The following VPS35L variants were observed in gnomAD, a reference collection of about 807,000 sequenced individuals.
VPS35L encodes the protein VPS35 endosomal protein-sorting factor-like.
VPS35L carries 83 observed loss-of-function variants against 133.0 expected under a neutral mutation model. The ratio of observed to expected loss-of-function variants is 0.62; its 90% CI spans 0.52 to 0.75. VPS35L has a LOEUF of 0.75. Ranked by LOEUF, VPS35L falls within the 30% of genes least tolerant of loss-of-function variation. The pLI, the probability that VPS35L is intolerant of heterozygous loss-of-function variation, is 0.00. For missense variants in VPS35L, 1,083 were observed against 1,206.8 expected (o/e 0.90, Z 1.52); for synonymous variants, 423 against 449.9 (o/e 0.94, Z 0.76).
intron 30 of VPS35L, 123 bp from the exon 31 acceptor site, chr16:19,700,255 C>T (rs917428304): frequency 5.1e-6 from 4 of 778,502 alleles, no homozygotes; most frequent in South Asian, 1.9e-5. Flanking sequence ...CTCCTCTCAT[C>T]CCTCAAAAAA....
At chr16:19,695,165 T>C (rs1044108978) in intron 29 of VPS35L, among the ~76,000 whole-genome samples, 1 of 152,208 alleles carries the variant, frequency 6.6e-6, no homozygotes, top group Non-Finnish European at 1.5e-5. Flanking sequence ...AGGGACCTCT[T>C]AGAACAATGA....
chr16:19,578,991 C>G (rs2151515435), intron 5 of VPS35L, 61 bp from the exon 6 acceptor site: 1 of 1,341,632 alleles, frequency 7.5e-7, no homozygotes, highest in African/African-American at 1.4e-5. Context: ...AAAGATGCCT[C>G]CACTGGGGGT....
Position 19,578,973 on chromosome 16 carries a change from G to A in VPS35L, c.434-79G>A, listed in dbSNP as rs8047669. ...CTTGTGTCTTTATTCACGATGAAGT[G>A]TAGAGTGAAAGATGCCTCCACTGGG... On this transcript the variant is annotated intron_variant, in intron 5 of 30. Transcript: ENST00000417362. The A allele has an allele frequency of 4.8e-3, 5,377 of 1,124,874 alleles. 178 individuals carry two copies. The African/African-American group carries it at 0.07, about 15-fold the overall frequency. The allele number at this position is 1,124,874 out of a possible 1,614,324, so 69.7% of individuals were successfully genotyped here.
At chr16:19,646,118 T>C (rs903606821) in intron 23 of VPS35L, among the ~76,000 whole-genome samples, 3 of 152,134 alleles carry the variant, frequency 2.0e-5, no homozygotes, top group African/African-American at 7.2e-5. Context: ...CGGATCAGCT[T>C]GGTAACCAGG....
chr16:19,593,354 G>A (rs749857702), intron 8 of VPS35L, among the ~76,000 whole-genome samples: 14 of 152,216 alleles, frequency 9.2e-5, no homozygotes, highest in Middle Eastern at 3.4e-3. Flanking sequence ...GGACTAATGG[G>A]CTCCCAACCC....
intron 5 of VPS35L, 68 bp downstream of exon 5, chr16:19,575,190 G>A: frequency 6.8e-7 from 1 of 1,477,440 alleles, no homozygotes; most frequent in Non-Finnish European, 9.4e-7. Context: ...TTTTACAAAG[G>A]AAAAAAGTTT....
intron 12 of VPS35L, among the ~76,000 whole-genome samples, chr16:19,613,701 C>T (rs1457036972): frequency 2.6e-5 from 4 of 152,174 alleles, no homozygotes; most frequent in African/African-American, 4.8e-5. Context: ...AGACTAGTCA[C>T]GTGGCCATGG....
rs751445339 is a variant in VPS35L at position 19,627,690 on chromosome 16, G to T, written c.1272-4G>T. 3 of 1,606,842 alleles carry T rather than the reference G, an allele frequency of 1.9e-6. No homozygotes were observed. The highest frequency in any genetic ancestry group is 2.6e-6 in the Non-Finnish European group (3 of 1,173,554). On this transcript the variant is annotated splice_polypyrimidine_tract_variant and splice_region_variant and intron_variant, in intron 15 of 30. Transcript: ENST00000417362. ...AGGCTGACTTGGGGATCTGTGTCTT[G>T]CAGTGCCTTGCTGTTGAATTCTGTG...
chr16:19,617,009 G>A (rs1972918007), intron 14 of VPS35L: 1 of 774,762 alleles, frequency 1.3e-6, no homozygotes, highest in Non-Finnish European at 2.1e-6. Context: ...GACAGCTGTG[G>A]AAGGGGAATG....
chr16:19,599,793 C>T (rs1489972032), intron 8 of VPS35L, among the ~76,000 whole-genome samples: 3 of 152,154 alleles, frequency 2.0e-5, no homozygotes, highest in Non-Finnish European at 4.4e-5. Context: ...ATAATCCCAG[C>T]ACTCTGGGAG....
At chr16:19,662,996 A>T (rs528748673) in intron 26 of VPS35L, among the ~76,000 whole-genome samples, 13 of 151,758 alleles carry the variant, frequency 8.6e-5, no homozygotes, top group East Asian at 7.7e-4. Flanking sequence ...CTCAAAAAAA[A>T]AATAATAATA....
chr16:19,612,812 T>C (rs1364717798), intron 12 of VPS35L, among the ~76,000 whole-genome samples: 3 of 152,194 alleles, frequency 2.0e-5, no homozygotes, highest in Non-Finnish European at 4.4e-5. Flanking sequence ...TCATGTTTGT[T>C]ACATATAAAG....
chr16:19,658,466 G>A (rs1490555071), intron 26 of VPS35L, among the ~76,000 whole-genome samples: 1 of 152,130 alleles, frequency 6.6e-6, no homozygotes, highest in Non-Finnish European at 1.5e-5. Context: ...GAGGGCAGAG[G>A]TTGCAGTGAG....
At chr16:19,688,207 G>C (rs1206879700) in intron 28 of VPS35L, among the ~76,000 whole-genome samples, 1 of 151,988 alleles carries the variant, frequency 6.6e-6, no homozygotes, top group Non-Finnish European at 1.5e-5. Context: ...GATTACAGGC[G>C]TGAGCCACTG....
intron 28 of VPS35L, among the ~76,000 whole-genome samples, chr16:19,690,581 T>C (rs957295022): frequency 1.3e-5 from 2 of 152,178 alleles, no homozygotes; most frequent in Non-Finnish European, 2.9e-5. Flanking sequence ...GAGCGTGAGC[T>C]CTGGAATCAG....
rs764662565 is a variant in VPS35L, at chr16:19,601,713, C to G, written c.774C>G (p.Ser258Arg). ...TTTCCATGTGTGTGGATAGCCGCAG[C>G]GTCTTACCAGGTAATGTCGCAGCTG... Reference protein sequence around the residue: ...RIFSMCVDSRSVLPDHFSPEN... With the variant: ...RIFSMCVDSRRVLPDHFSPEN... The change falls in exon 9 of 31, where the codon AGC becomes AGG. Residue 258 changes from serine to arginine, a missense_variant. Coordinates refer to ENST00000417362, the MANE Select transcript of VPS35L (RefSeq NM_020314.7). 1 of 1,614,132 alleles carries G rather than the reference C, an allele frequency of 6.2e-7. No individual in the cohort carries two copies. The highest frequency in any genetic ancestry group is 8.5e-7 in the Non-Finnish European group (1 of 1,180,008).
intron 14 of VPS35L, chr16:19,618,050 G>A (rs906338763): frequency 8.1e-6 from 1 of 124,026 alleles, no homozygotes; most frequent in African/African-American, 3.1e-5. Flanking sequence ...TTGCACCACT[G>A]TACTCCAGCC....
intron 27 of VPS35L, among the ~76,000 whole-genome samples, chr16:19,677,662 C>T (rs996788389): frequency 3.9e-5 from 6 of 152,258 alleles, no homozygotes; most frequent in Non-Finnish European, 7.4e-5. Context: ...AGGGGATGCC[C>T]GAGCTGCTGG....
At chr16:19,622,025 G>A (rs1005604624) in intron 14 of VPS35L, among the ~76,000 whole-genome samples, 7 of 151,820 alleles carry the variant, frequency 4.6e-5, no homozygotes, top group African/African-American at 9.7e-5. Flanking sequence ...TAAACCTCAC[G>A]AAGGCATGGG....
Sources: gnomAD v4.1 joint callset for allele counts (sites outside exome capture counted in the v4.1 genomes callset) on GRCh38, gnomAD v4.1.1 for gene constraint, MANE v1.5 for transcripts, NCBI Gene and HGNC (gene_info 2026-07-23, HGNC 2026-07-21) for gene names.